SNPH: variants seen among roughly 807,000 people sequenced by gnomAD.
SNPH encodes the protein syntaphilin.
SNPH carries 10 observed loss-of-function variants against 36.8 expected under a neutral mutation model. The observed-to-expected ratio is 0.27, with a 90% CI of 0.17 to 0.46. The LOEUF (loss-of-function observed/expected upper bound fraction) is 0.46, where lower values mean the gene tolerates loss of function less well. Ranked by LOEUF, SNPH falls within the 20% of genes least tolerant of loss-of-function variation. The pLI, the probability that SNPH is intolerant of heterozygous loss-of-function variation, is 1.00. For synonymous variants in SNPH, 281 were observed against 312.2 expected (o/e 0.90, Z 1.05); for missense variants, 622 against 744.0 (o/e 0.84, Z 1.91).
At chr20:1,299,304 G>A (rs568708520) in intron 5 of SNPH, among the ~76,000 whole-genome samples, 1 of 152,264 alleles carries the variant, frequency 6.6e-6, no homozygotes, top group South Asian at 2.1e-4. Flanking sequence ...AAGGGACATT[G>A]CCCCTCCCTA....
intron 2 of SNPH, among the ~76,000 whole-genome samples, chr20:1,293,861 G>A (rs1044257906): frequency 4.6e-5 from 7 of 152,170 alleles, no homozygotes; most frequent in Admixed American, 4.6e-4. Context: ...AGGGACAGCT[G>A]GGACAAGGCC....
rs937825942 is a variant in SNPH, at chr20:1,285,481, C to T, written c.-492-9470C>T. 5.9e-5 allele frequency among the ~76,000 whole-genome samples: 9 copies of T among 152,122 alleles called. No homozygotes were observed. The highest frequency in any genetic ancestry group is 8.8e-5 in the Non-Finnish European group (6 of 68,026). On this transcript the variant is annotated intron_variant, in intron 2 of 6. Transcript: ENST00000381867. The surrounding 1 kb of genome is among the most constrained non-coding windows in gnomAD (Gnocchi z 4.9). The stretch of plus-strand genomic sequence containing the variant: ...CATTGAGAATAAGAATATATTCAGG[C>T]GAATAAATAATTACTGCTATTTACG...
At chr20:1,279,268 C>T (rs926576136) in intron 2 of SNPH, among the ~76,000 whole-genome samples, 71 of 152,256 alleles carry the variant, frequency 4.7e-4, no homozygotes, top group African/African-American at 1.6e-3. Context: ...CTAATAGGTT[C>T]GTAATGGTAT....
At chr20:1,301,506 T>A (rs879767634) in intron 6 of SNPH, among the ~76,000 whole-genome samples, 2 of 100,556 alleles carry the variant, frequency 2.0e-5, no homozygotes, top group African/African-American at 3.1e-5. Flanking sequence ...CTTTTCTTTC[T>A]TTTTTTTTTT....
At chr20:1,295,335 G>T (rs2088415329) in intron 3 of SNPH, among the ~76,000 whole-genome samples, 1 of 152,196 alleles carries the variant, frequency 6.6e-6, no homozygotes, top group African/African-American at 2.4e-5. Context: ...CCTCTACCCA[G>T]GAAAGAAGCC....
At chr20:1,288,569 A>G (rs1056904492) in intron 2 of SNPH, among the ~76,000 whole-genome samples, 1 of 151,984 alleles carries the variant, frequency 6.6e-6, no homozygotes, top group African/African-American at 2.4e-5. Flanking sequence ...TTCTTAGAGG[A>G]ACAGGGAAAG....
intron 2 of SNPH, among the ~76,000 whole-genome samples, chr20:1,271,349 T>C (rs2088071515): frequency 6.6e-6 from 1 of 152,162 alleles, no homozygotes; most frequent in African/African-American, 2.4e-5. Flanking sequence ...TCTTCTTCTT[T>C]TTGTTTTTTG....
At chr20:1,302,812 G>A (rs533280678) in intron 6 of SNPH, among the ~76,000 whole-genome samples, 17 of 152,364 alleles carry the variant, frequency 1.1e-4, no homozygotes, top group African/African-American at 3.6e-4. Flanking sequence ...AACTACAGGC[G>A]GTTACGGGTA....
Position 1,297,126 on chromosome 20 carries a change from C to T in SNPH, c.183-19C>T. On this transcript the variant is annotated intron_variant, in intron 4 of 6. Transcript: ENST00000381867. ...CCCGCCAGCCAGAACGAGCACCTGC[C>T]TCTTCTTCCTGCCTCCAGGCGCACC... The T allele has an allele frequency of 6.2e-7, 1 of 1,605,418 alleles. No homozygotes were observed. The highest frequency in any genetic ancestry group is 8.5e-7 in the Non-Finnish European group (1 of 1,175,258).
chr20:1,274,070 T>A (rs977662842), intron 2 of SNPH, among the ~76,000 whole-genome samples: 1 of 152,078 alleles, frequency 6.6e-6, no homozygotes, highest in African/African-American at 2.4e-5. Context: ...CTTGCTAAGA[T>A]AGGAAGTTTT....
chr20:1,271,772 C>T (rs1247645055), intron 2 of SNPH, among the ~76,000 whole-genome samples: 4 of 152,190 alleles, frequency 2.6e-5, no homozygotes, highest in African/African-American at 9.7e-5. Flanking sequence ...CAAAAGCCAC[C>T]TCTTCAAAAA....
intron 6 of SNPH, among the ~76,000 whole-genome samples, chr20:1,303,291 G>A (rs1359869445): frequency 1.3e-5 from 2 of 152,226 alleles, no homozygotes; most frequent in Non-Finnish European, 2.9e-5. Flanking sequence ...TACCCTTCAA[G>A]ACGCACTTCA....
Position 1,266,714 on chromosome 20 carries a change from C to A in SNPH, c.-539C>A. 1 of 1,422,308 alleles carries A rather than the reference C, an allele frequency of 7.0e-7. No individual in the cohort carries two copies. The allele number at this position is 1,422,308 out of a possible 1,614,324, so 88.1% of individuals were successfully genotyped here. On this transcript the variant is annotated 5_prime_UTR_variant, in exon 2 of 7. Transcript: ENST00000381867. This position sits in a 1 kb window ranked among gnomAD's most constrained non-coding sequence, Gnocchi z 6.0. ...TGCAGAGGCGCTGCGCCAAGCCGGG[C>A]CGGAGTGGTGCGAGCCGGCGGGGCT...
In SNPH at chr20:1,306,699, G is replaced by A. The variant is rs1367027811; in HGVS notation, c.*645G>A. ...GGAGGAGAGACGGGGCTGGGCGCAA[G>A]GTGGCGGAGGGCAGTGTGGGTTCTG... On this transcript the variant is annotated 3_prime_UTR_variant, in exon 7 of 7. Transcript: ENST00000381867. The A allele has an allele frequency of 6.5e-6, 1 of 152,898 alleles. No individual in the cohort carries two copies. Among genetic ancestry groups the A allele is most frequent in the Non-Finnish European group, 1.5e-5 (1 of 68,592 alleles). 9.5% of individuals were successfully genotyped at this position (152,898 alleles called of 1,614,324 possible).
At chr20:1,287,272 G>T (rs2088295096) in intron 2 of SNPH, among the ~76,000 whole-genome samples, 1 of 152,124 alleles carries the variant, frequency 6.6e-6, no homozygotes, top group Non-Finnish European at 1.5e-5. Flanking sequence ...CTTCTTCCCT[G>T]GGCCTCTGTT....
rs1208744239 is a variant in SNPH, at chr20:1,285,640, C to T, written c.-492-9311C>T. 6.6e-6 allele frequency among the ~76,000 whole-genome samples: 1 copy of T among 152,178 alleles called. No individual in the cohort carries two copies. The highest frequency in any genetic ancestry group is 2.4e-5 in the African/African-American group (1 of 41,434). ...AATGAGGCTTAGAGGAGTAAAGTGG[C>T]ATTCCCACTGTCATAAAGATGGTGG... On this transcript the variant is annotated intron_variant, in intron 2 of 6. Coordinates refer to ENST00000381867, the MANE Select transcript of SNPH (RefSeq NM_001318234.2). The surrounding 1 kb of genome is among the most constrained non-coding windows in gnomAD (Gnocchi z 4.9).
In SNPH at chr20:1,296,034, C is replaced by T. The variant is rs1392339674; in HGVS notation, c.-206C>T. The T allele has an allele frequency of 5.9e-5, 29 of 491,968 alleles. No individual in the cohort carries two copies. Among genetic ancestry groups the T allele is most frequent in the South Asian group, 2.2e-4 (6 of 27,038 alleles). The allele number at this position is 491,968 out of a possible 1,614,324, so 30.5% of individuals were successfully genotyped here. On this transcript the variant is annotated 5_prime_UTR_variant, in exon 4 of 7. In the 5' UTR this introduces an upstream ATG that the reference lacks. Coordinates refer to ENST00000381867, the MANE Select transcript of SNPH (RefSeq NM_001318234.2). ...CCTGAAGCCTCTGTGACCTTGGGCACGGCCTTCACTCTGTCTGGGGCACAT... is the reference window on the plus strand; with the variant it reads ...CCTGAAGCCTCTGTGACCTTGGGCATGGCCTTCACTCTGTCTGGGGCACAT...
chr20:1,298,848 A>T (rs1177851771), intron 5 of SNPH, among the ~76,000 whole-genome samples: 1 of 125,530 alleles, frequency 8.0e-6, no homozygotes, highest in African/African-American at 2.9e-5. Context: ...GTGTGTGTAT[A>T]CATATTTTTT....
intron 2 of SNPH, among the ~76,000 whole-genome samples, chr20:1,284,179 C>T (rs980377738): frequency 6.6e-6 from 1 of 152,188 alleles, no homozygotes; most frequent in African/African-American, 2.4e-5. Context: ...CAGCTCATAA[C>T]CTAGCAGGAG....
Sources: gnomAD v4.1 joint callset for allele counts (sites outside exome capture counted in the v4.1 genomes callset) on GRCh38, gnomAD v4.1.1 for gene constraint, Gnocchi (gnomAD v3.1) non-coding constraint, MANE v1.5 for transcripts, NCBI Gene and HGNC (gene_info 2026-07-23, HGNC 2026-07-21) for gene names.